SLC6A6: variants seen among roughly 807,000 people sequenced by gnomAD.
SLC6A6 encodes the protein solute carrier family 6 member 6.
Under a neutral mutation model 68.8 loss-of-function variants are expected in SLC6A6, and 16 were observed. That is an observed-to-expected ratio of 0.23 (90% CI 0.16 to 0.35). SLC6A6 has a LOEUF of 0.35. Among genes scored for constraint, SLC6A6 ranks in the 10% least tolerant of loss-of-function variants. The pLI, the probability that SLC6A6 is intolerant of heterozygous loss-of-function variation, is 1.00. For synonymous variants in SLC6A6, 312 were observed against 315.4 expected, an observed-to-expected ratio of 0.99 and a Z score of 0.12; for missense variants, 474 against 802.8, an observed-to-expected ratio of 0.59 and a Z score of 4.95.
intron 14 of SLC6A6, among the ~76,000 whole-genome samples, chr3:14,483,354 C>T (rs1249760120): frequency 6.6e-6 from 1 of 152,378 alleles, no homozygotes; most frequent in African/African-American, 2.4e-5. Flanking sequence ...CTGCACAAGT[C>T]ATCAAGGTGT....
At chr3:14,446,821 C>T (rs1424323376) in intron 4 of SLC6A6, among the ~76,000 whole-genome samples, 2 of 152,190 alleles carry the variant, frequency 1.3e-5, no homozygotes, top group Non-Finnish European at 2.9e-5. Context: ...ATGGTAGCTT[C>T]CTTAGTCCTA....
intron 1 of SLC6A6, among the ~76,000 whole-genome samples, chr3:14,413,653 G>A (rs1329313221): frequency 6.6e-6 from 1 of 151,916 alleles, no homozygotes; most frequent in East Asian, 1.9e-4. Context: ...ATTCTGCTTT[G>A]TATTTAACTT....
At chr3:14,405,587 C>G (rs1160687143) in intron 1 of SLC6A6, among the ~76,000 whole-genome samples, 1 of 152,174 alleles carries the variant, frequency 6.6e-6, no homozygotes, top group African/African-American at 2.4e-5. Context: ...ATGCTGATTC[C>G]CCACTTCTGC....
At chr3:14,456,650 C>T (rs1700374064) in intron 5 of SLC6A6, among the ~76,000 whole-genome samples, 2 of 152,350 alleles carry the variant, frequency 1.3e-5, no homozygotes, top group South Asian at 4.1e-4. Context: ...ATCCCACGGA[C>T]TGGCTGAAAG....
intron 2 of SLC6A6, among the ~76,000 whole-genome samples, chr3:14,416,737 G>C (rs1699370573): frequency 6.6e-6 from 1 of 152,266 alleles, no homozygotes; most frequent in African/African-American, 2.4e-5. Context: ...CCTGTGCCCT[G>C]TCCTGGCTCT....
At chr3:14,483,049 ATTGG>A (rs1396244974) in intron 14 of SLC6A6, among the ~76,000 whole-genome samples, 1 of 139,056 alleles carries the variant, frequency 7.2e-6, no homozygotes, top group East Asian at 2.7e-4. Context: ...CTCTGCTCTG[ATTGG>A]TGAGTGCCCA....
chr3:14,473,017 T>C (rs112706969), intron 10 of SLC6A6, among the ~76,000 whole-genome samples: 3,012 of 152,284 alleles, frequency 0.02, 117 homozygotes, highest in African/African-American at 0.069. Context: ...CTAAACCCCG[T>C]ATCCCACCCC....
At chr3:14,419,670 G>C (rs1699443859) in intron 2 of SLC6A6, among the ~76,000 whole-genome samples, 1 of 152,152 alleles carries the variant, frequency 6.6e-6, no homozygotes, top group South Asian at 2.1e-4. Context: ...GGTGATACTG[G>C]GATTTTGGGG....
At chr3:14,438,913 TCTCGAGC>T (rs1399817336) in intron 2 of SLC6A6, among the ~76,000 whole-genome samples, 3 of 152,312 alleles carry the variant, frequency 2.0e-5, no homozygotes, top group Admixed American at 6.5e-5. Context: ...TGCAGAGAAC[TCTCGAGC>T]CTCTGGGAAG....
chr3:14,443,520 G>C (rs867298721), intron 2 of SLC6A6, 104 bp from the exon 3 acceptor site: 1 of 781,770 alleles, frequency 1.3e-6, no homozygotes, highest in African/African-American at 1.7e-5. Context: ...CCACAGGCCC[G>C]GGCAGGTGGG....
At position 14,468,024 on chromosome 3, in the gene SLC6A6, A is replaced by G; in HGVS notation, c.972-64A>G. ...GATGATGATGTTTAAAGAAAAAGAG[A>G]AGTAGGGAGCGTGGCTTCCTTGTGT... On this transcript the variant is annotated intron_variant, in intron 8 of 14. Coordinates refer to ENST00000622186, the MANE Select transcript of SLC6A6 (RefSeq NM_003043.6). This position sits in a 1 kb window ranked among gnomAD's most constrained non-coding sequence, Gnocchi z 4.5. 6.2e-7 allele frequency: 1 copy of G among 1,611,852 alleles called. No individual in the cohort carries two copies. The highest frequency in any genetic ancestry group is 8.5e-7 in the Non-Finnish European group (1 of 1,178,204).
intron 2 of SLC6A6, among the ~76,000 whole-genome samples, chr3:14,432,974 C>CT (rs1699763622): frequency 6.6e-6 from 1 of 152,244 alleles, no homozygotes; most frequent in Admixed American, 6.5e-5. Flanking sequence ...CCAGAGACGT[C>CT]TTTGAAGCCT....
At chr3:14,452,900 C>T (rs1700285202) in intron 5 of SLC6A6, among the ~76,000 whole-genome samples, 1 of 152,248 alleles carries the variant, frequency 6.6e-6, no homozygotes, top group Admixed American at 6.5e-5. Context: ...GGCCCTCCAT[C>T]AGGCTGGAGC....
intron 5 of SLC6A6, among the ~76,000 whole-genome samples, chr3:14,452,407 G>A (rs1253840753): frequency 6.6e-6 from 1 of 152,228 alleles, no homozygotes; most frequent in African/African-American, 2.4e-5. Context: ...TGCAAGACGT[G>A]CAGTGCCCTG....
At chr3:14,428,099 A>T (rs1349854644) in intron 2 of SLC6A6, among the ~76,000 whole-genome samples, 1 of 152,208 alleles carries the variant, frequency 6.6e-6, no homozygotes. Context: ...CAGGGGACCC[A>T]CATTGCTCAG....
Position 14,454,418 on chromosome 3 carries a change from C to T in SLC6A6, c.600-3532C>T, listed in dbSNP as rs555172479. ...CACTCTACAGTTTACTGAGCACGCC[C>T]TCACTGCTGGGTAGGGATTGGCTGG... On this transcript the variant is annotated intron_variant, in intron 5 of 14. Transcript: ENST00000622186. 2.4e-3 allele frequency among the ~76,000 whole-genome samples: 365 copies of T among 152,240 alleles called. 2 individuals are homozygous for T. The highest frequency in any genetic ancestry group is 8.4e-3 in the African/African-American group (350 of 41,532).
intron 1 of SLC6A6, among the ~76,000 whole-genome samples, chr3:14,412,928 C>T (rs1041866492): frequency 1.3e-5 from 2 of 152,234 alleles, no homozygotes; most frequent in African/African-American, 2.4e-5. Flanking sequence ...TGCCGGCATT[C>T]GTGCTGGGCC....
At chr3:14,419,819 C>G (rs1167965480) in intron 2 of SLC6A6, among the ~76,000 whole-genome samples, 1 of 152,110 alleles carries the variant, frequency 6.6e-6, no homozygotes, top group Non-Finnish European at 1.5e-5. Flanking sequence ...TCCCCACCCC[C>G]TCAGCTATGG....
At chr3:14,441,951 T>A (rs1031319979) in intron 2 of SLC6A6, among the ~76,000 whole-genome samples, 2 of 152,202 alleles carry the variant, frequency 1.3e-5, no homozygotes, top group African/African-American at 2.4e-5. Flanking sequence ...GAGCCTCTAT[T>A]CTAGTTGAGG....
Sources: gnomAD v4.1 joint callset for allele counts (sites outside exome capture counted in the v4.1 genomes callset) on GRCh38, gnomAD v4.1.1 for gene constraint, Gnocchi (gnomAD v3.1) non-coding constraint, MANE v1.5 for transcripts, NCBI Gene and HGNC (gene_info 2026-07-23, HGNC 2026-07-21) for gene names.